Variants in CEP350 observed in about 807,000 individuals in gnomAD.
CEP350 encodes the protein centrosome-associated protein 350.
In CEP350, 126 loss-of-function variants were observed where a neutral mutation model predicts 331.8. That is an observed-to-expected ratio of 0.38 (90% CI 0.33 to 0.44). The LOEUF (loss-of-function observed/expected upper bound fraction) is 0.44, where lower values mean the gene tolerates loss of function less well. CEP350 is among the 20% of genes least tolerant of loss of function. The pLI, the probability that CEP350 is intolerant of heterozygous loss-of-function variation, is 1.00. For synonymous variants in CEP350, 1,200 were observed against 1,259.5 expected, an observed-to-expected ratio of 0.95 and a Z score of 1.00; for missense variants, 3,406 against 3,634.6, an observed-to-expected ratio of 0.94 and a Z score of 1.62.
intron 37 of CEP350, 131 bp from the exon 38 acceptor site, chr1:180,110,866 T>G: frequency 1.3e-6 from 1 of 771,204 alleles, no homozygotes; most frequent in Non-Finnish European, 2.0e-6. Context: ...TGATATCATA[T>G]GAATTATCTT....
chr1:180,026,834 C>T (rs1655711319), intron 14 of CEP350, among the ~76,000 whole-genome samples: 1 of 152,156 alleles, frequency 6.6e-6, no homozygotes, highest in Non-Finnish European at 1.5e-5. Context: ...ATACTCCATG[C>T]TGTGTGTATG....
At chr1:180,062,088 C>A in intron 25 of CEP350, 132 bp from the exon 26 acceptor site, 1 of 795,644 alleles carries the variant, frequency 1.3e-6, no homozygotes, top group Non-Finnish European at 1.7e-6. Flanking sequence ...TTAAACTTTT[C>A]AGTATTACTA....
intron 8 of CEP350, among the ~76,000 whole-genome samples, chr1:180,009,878 A>G (rs1654512229): frequency 6.6e-6 from 1 of 152,188 alleles, no homozygotes; most frequent in Non-Finnish European, 1.5e-5. Flanking sequence ...TTTTTATTAA[A>G]ATGATACTTC....
At chr1:180,071,789 AAAG>A in intron 27 of CEP350, among the ~76,000 whole-genome samples, 1 of 152,030 alleles carries the variant, frequency 6.6e-6, no homozygotes, top group Non-Finnish European at 1.5e-5. Context: ...CTCAAAAAAA[AAAG>A]AGCGAATTAA....
At position 180,093,994 on chromosome 1, in the gene CEP350, G is replaced by A; in HGVS notation, c.7889G>A (p.Ser2630Asn). ...VNDIEASVNR[S>N]RSLKIETDNV... ...GATATAGAAGCCTCAGTTAATAGAAGTAGAAGCCTTAAAATAGAAACAGAC... is the reference window on the plus strand; with the variant it reads ...GATATAGAAGCCTCAGTTAATAGAAATAGAAGCCTTAAAATAGAAACAGAC... Residue 2630 changes from serine (S) to asparagine (N), a missense_variant, in exon 34 of 38, where the codon AGT becomes AAT. By Grantham distance (46) the Ser-to-Asn change is conservative. Around this residue, in one of 5 missense-constraint regions of CEP350, gnomAD observed 1,415 missense variants for 1,512.3 expected, o/e 0.94. Coordinates refer to ENST00000367607, the MANE Select transcript of CEP350 (RefSeq NM_014810.5). 6.2e-7 allele frequency: 1 copy of A among 1,613,842 alleles called. No homozygotes were observed. Among genetic ancestry groups the A allele is most frequent in the African/African-American group, 1.3e-5 (1 of 75,064 alleles).
At chr1:179,990,178 C>T (rs750627814) in intron 3 of CEP350, among the ~76,000 whole-genome samples, 5 of 150,362 alleles carry the variant, frequency 3.3e-5, no homozygotes, top group Non-Finnish European at 7.4e-5. Context: ...AGACCGAGAC[C>T]GTCTCAAAAA....
chr1:179,991,234 T>A (rs2501617), intron 4 of CEP350, among the ~76,000 whole-genome samples: 1 of 151,128 alleles, frequency 6.6e-6, no homozygotes, highest in Non-Finnish European at 1.5e-5. Context: ...CTCTTTCATA[T>A]GGTGACTGTC....
chr1:180,029,127 G>T (rs1571890638), intron 14 of CEP350, among the ~76,000 whole-genome samples: 1 of 152,054 alleles, frequency 6.6e-6, no homozygotes, highest in Non-Finnish European at 1.5e-5. Flanking sequence ...GAAAGTAGTT[G>T]GTAGATTAAA....
At chr1:180,002,310 A>T (rs1486640846) in intron 6 of CEP350, among the ~76,000 whole-genome samples, 1 of 151,996 alleles carries the variant, frequency 6.6e-6, no homozygotes, top group Non-Finnish European at 1.5e-5. Context: ...TCCGTCTCTA[A>T]TAAAAATACA....
intron 37 of CEP350, among the ~76,000 whole-genome samples, chr1:180,106,688 T>G (rs1419786916): frequency 1.3e-5 from 2 of 152,200 alleles, no homozygotes; most frequent in African/African-American, 4.8e-5. Flanking sequence ...TGCCTCGGTC[T>G]TCCAAATCAC....
chr1:179,975,073 T>G (rs1237521378), intron 1 of CEP350, among the ~76,000 whole-genome samples: 1 of 152,126 alleles, frequency 6.6e-6, no homozygotes, highest in Non-Finnish European at 1.5e-5. Context: ...ACTAATTTTA[T>G]TAAGAGCCAG....
At chr1:179,990,084 G>A (rs1470306238) in intron 3 of CEP350, among the ~76,000 whole-genome samples, 1 of 151,994 alleles carries the variant, frequency 6.6e-6, no homozygotes, top group Non-Finnish European at 1.5e-5. Flanking sequence ...AGCCTCTAGG[G>A]AGGCTGAGGG....
chr1:179,992,710 G>A (rs781432767), intron 5 of CEP350, among the ~76,000 whole-genome samples: 53 of 152,048 alleles, frequency 3.5e-4, no homozygotes, highest in Admixed American at 5.9e-4. Flanking sequence ...CAGCAACTTA[G>A]ATGTTCAAGA....
Position 179,999,877 on chromosome 1 carries a change from C to T in CEP350, c.1018+2702C>T, listed in dbSNP as rs561479421. Among the ~76,000 whole-genome samples the T allele has an allele frequency of 5.9e-5, 9 of 152,198 alleles. No homozygotes were observed. In the South Asian group the frequency reaches 6.2e-4, roughly 11 times the overall value. On this transcript the variant is annotated intron_variant, in intron 6 of 37. Transcript: ENST00000367607. Reference sequence around the variant, plus strand: ...ACCTAAGAAGTGCTCTATGGTTCTGCTTTAAAAATTTGAAATGGTGAACAC... The same window carrying T: ...ACCTAAGAAGTGCTCTATGGTTCTGTTTTAAAAATTTGAAATGGTGAACAC...
intron 27 of CEP350, among the ~76,000 whole-genome samples, chr1:180,073,622 T>C (rs977915712): frequency 2.6e-5 from 4 of 152,194 alleles, no homozygotes; most frequent in Non-Finnish European, 4.4e-5. Context: ...AAAATACACT[T>C]TTAAAAATGT....
In CEP350 at chr1:180,113,025, T is replaced by C. The variant is rs1661533492; in HGVS notation, c.*1864T>C. On this transcript the variant is annotated 3_prime_UTR_variant, in exon 38 of 38. Coordinates refer to ENST00000367607, the MANE Select transcript of CEP350 (RefSeq NM_014810.5). ...CTTCTGGGCTTGTGATGTTGAGCTG[T>C]AGTCTTGTAGCCATAATGAGCAAAT... 6.6e-6 allele frequency: 1 copy of C among 152,668 alleles called. No homozygotes were observed. The highest frequency in any genetic ancestry group is 1.5e-5 in the Non-Finnish European group (1 of 68,044). 9.5% of individuals were successfully genotyped at this position (152,668 alleles called of 1,614,324 possible).
At position 180,094,392 on chromosome 1, in the gene CEP350, G is replaced by T; in HGVS notation, c.8287G>T (p.Val2763Leu). The T allele has an allele frequency of 1.2e-6, 2 of 1,613,748 alleles. No homozygotes were observed. The highest frequency in any genetic ancestry group is 1.1e-5 in the South Asian group (1 of 91,062). The change falls in exon 34 of 38, where the codon GTA (valine) becomes TTA (leucine). Residue 2763 changes from valine (V) to leucine (L), a missense_variant. By Grantham distance (32) the Val-to-Leu change is conservative. Coordinates refer to ENST00000367607, the MANE Select transcript of CEP350 (RefSeq NM_014810.5). ...GACAGACAGTTTACTAAAAGTCTTTGTAAAGGACACAGTCAATCAACTACA... is the reference window on the plus strand; with the variant it reads ...GACAGACAGTTTACTAAAAGTCTTTTTAAAGGACACAGTCAATCAACTACA... ...LLTDSLLKVF[V>L]KDTVNQLQQI...
chr1:180,111,252 T>G lies in CEP350; in HGVS notation c.*91T>G, dbSNP rs1402810612. 2 of 1,466,792 alleles carry G rather than the reference T, an allele frequency of 1.4e-6. No homozygotes were observed. The highest frequency in any genetic ancestry group is 1.9e-6 in the Non-Finnish European group (2 of 1,074,408). 90.9% of individuals were successfully genotyped at this position (1,466,792 alleles called of 1,614,324 possible). Reference sequence around the variant, plus strand: ...ACACCCATCGCCATCATAGCAAGAGTGCTTCTGGACCTTGTACTTATTCTT... The same window carrying G: ...ACACCCATCGCCATCATAGCAAGAGGGCTTCTGGACCTTGTACTTATTCTT... On this transcript the variant is annotated 3_prime_UTR_variant, in exon 38 of 38. Coordinates refer to ENST00000367607, the MANE Select transcript of CEP350 (RefSeq NM_014810.5).
intron 34 of CEP350, 109 bp from the exon 35 acceptor site, chr1:180,095,414 A>G (rs1660428499): frequency 8.0e-7 from 1 of 1,255,664 alleles, no homozygotes; most frequent in Non-Finnish European, 1.1e-6. Context: ...CTGCTTACTT[A>G]TAGAGAAATA....
Sources: gnomAD v4.1 joint callset for allele counts (sites outside exome capture counted in the v4.1 genomes callset) on GRCh38, gnomAD v4.1.1 for gene constraint, gnomAD v4.1.1 regional missense constraint, MANE v1.5 for transcripts, NCBI Gene and HGNC (gene_info 2026-07-23, HGNC 2026-07-21) for gene names.